Variants in COLEC11 observed in about 807,000 individuals in gnomAD.
COLEC11 encodes the protein collectin-11.
Under a neutral mutation model 27.3 loss-of-function variants are expected in COLEC11, and 20 were observed. The ratio of observed to expected loss-of-function variants is 0.73; its 90% confidence interval spans 0.51 to 1.06. The LOEUF (loss-of-function observed/expected upper bound fraction) is 1.06. Ranked by LOEUF, COLEC11 falls within the 50% of genes least tolerant of loss-of-function variation. COLEC11 has a pLI of 0.00. For synonymous variants in COLEC11, 163 were observed against 154.7 expected, an observed-to-expected ratio of 1.05 and a Z score of -0.40; for missense variants, 310 against 383.0, an observed-to-expected ratio of 0.81 and a Z score of 1.59.
At chr2:3,596,231 A>G (rs894473488) in intron 1 of COLEC11, among the ~76,000 whole-genome samples, 1 of 151,922 alleles carries the variant, frequency 6.6e-6, no homozygotes, top group African/African-American at 2.4e-5. Flanking sequence ...CTTAGGAGGT[A>G]TTTGTGGTGC....
Position 3,602,769 on chromosome 2 carries a change from C to T in COLEC11, c.-26-1546C>T, listed in dbSNP as rs1662326756. Among the ~76,000 whole-genome samples the T allele has an allele frequency of 6.6e-6, 1 of 152,224 alleles. No individual in the cohort carries two copies. The highest frequency in any genetic ancestry group is 1.5e-5 in the Non-Finnish European group (1 of 68,038). ...CCAGGCCAGCCCACCTCTCCCCGCACTGTCCGGCATGCACTGCCTCAAGGC... is the reference window on the plus strand; with the variant it reads ...CCAGGCCAGCCCACCTCTCCCCGCATTGTCCGGCATGCACTGCCTCAAGGC... On this transcript the variant is annotated intron_variant, in intron 1 of 6. Transcript: ENST00000349077. The surrounding 1 kb of genome is among the most constrained non-coding windows in gnomAD (Gnocchi z 6.2).
intron 1 of COLEC11, chr2:3,603,553 G>A: frequency 8.4e-7 from 1 of 1,185,404 alleles, no homozygotes; most frequent in Non-Finnish European, 1.2e-6. Flanking sequence ...CCGACTTTAG[G>A]TGATCTGCCC....
At chr2:3,633,288 T>C (rs552224462) in intron 3 of COLEC11, among the ~76,000 whole-genome samples, 5 of 152,318 alleles carry the variant, frequency 3.3e-5, no homozygotes, top group Non-Finnish European at 7.3e-5. Context: ...GAAAGACTTA[T>C]TAGTGGTTCA....
intron 3 of COLEC11, chr2:3,626,063 C>T: frequency 6.2e-7 from 1 of 1,614,062 alleles, no homozygotes; most frequent in Non-Finnish European, 8.5e-7. Context: ...AGGAAGTGCA[C>T]CTCGTCCTTT....
rs958928684 is a variant in COLEC11, at chr2:3,599,677, A to C, written c.-27+4509A>C. 2.5e-4 allele frequency among the ~76,000 whole-genome samples: 38 copies of C among 152,250 alleles called. 1 individual carries two copies. Among genetic ancestry groups the C allele is most frequent in the Admixed American group, 1.8e-3 (28 of 15,302 alleles). On this transcript the variant is annotated intron_variant, in intron 1 of 6. Coordinates refer to ENST00000349077, the MANE Select transcript of COLEC11 (RefSeq NM_024027.5). ...TTCAGTGGATTTGTAGCTGTCCCTCACCCACTGCCCTCAGGATGCCAAGTC... is the reference window on the plus strand; with the variant it reads ...TTCAGTGGATTTGTAGCTGTCCCTCCCCCACTGCCCTCAGGATGCCAAGTC...
At chr2:3,600,754 T>C (rs1397707717) in intron 1 of COLEC11, among the ~76,000 whole-genome samples, 1 of 152,196 alleles carries the variant, frequency 6.6e-6, no homozygotes, top group Non-Finnish European at 1.5e-5. Context: ...TGTAGTTGTA[T>C]ACACACATTA....
At position 3,644,606 on chromosome 2, in the gene COLEC11, A is replaced by T. The variant is rs1051710095; in HGVS notation, c.*488A>T. The T allele has an allele frequency of 2.7e-6, 1 of 364,562 alleles. No homozygotes were observed. Among genetic ancestry groups the T allele is most frequent in the Non-Finnish European group, 5.4e-6 (1 of 186,764 alleles). The allele number at this position is 364,562 out of a possible 1,614,324, so 22.6% of individuals were successfully genotyped here. A position where few individuals can be genotyped will look rare whatever the true frequency, so the allele number is the denominator to read the frequency against. On this transcript the variant is annotated 3_prime_UTR_variant, in exon 7 of 7. Transcript: ENST00000349077. The stretch of plus-strand genomic sequence containing the variant: ...AACAATTTTGCTTTGCTTCAAACCC[A>T]GATTTCAGGAAAACAACAACAAAAT...
Position 3,633,754 on chromosome 2 carries a change from G to A in COLEC11, c.203-3779G>A, listed in dbSNP as rs969599169. 6.7e-4 allele frequency among the ~76,000 whole-genome samples: 102 copies of A among 152,098 alleles called. 1 individual carries two copies. The highest frequency in any genetic ancestry group is 3.3e-3 in the Admixed American group (51 of 15,284). On this transcript the variant is annotated intron_variant, in intron 3 of 6. Transcript: ENST00000349077. ...GGAATAGTGCGGTGGAGAGCTGGGC[G>A]AGTTTGTCTTTGGACAGAAGGCCCG...
At position 3,604,490 on chromosome 2, in the gene COLEC11, T is replaced by C; in HGVS notation, c.130+20T>C. The C allele has an allele frequency of 1.2e-6, 2 of 1,613,370 alleles. No homozygotes were observed. The highest frequency in any genetic ancestry group is 8.5e-7 in the Non-Finnish European group (1 of 1,179,904). ...TCAAAGGTAACCGCTCCCTGGACTC[T>C]GGGCTGCTGGGCAGTGGCCTCCGGG... On this transcript the variant is annotated intron_variant, in intron 2 of 6. Coordinates refer to ENST00000349077, the MANE Select transcript of COLEC11 (RefSeq NM_024027.5).
At chr2:3,638,966 C>T (rs1371957919) in intron 4 of COLEC11, among the ~76,000 whole-genome samples, 2 of 152,206 alleles carry the variant, frequency 1.3e-5, no homozygotes, top group Non-Finnish European at 2.9e-5. Flanking sequence ...CCAGTGGCTC[C>T]CCATTCCTCC....
chr2:3,611,600 A>G (rs371502683), intron 2 of COLEC11, among the ~76,000 whole-genome samples: 22 of 152,316 alleles, frequency 1.4e-4, no homozygotes, highest in Middle Eastern at 3.4e-3. Flanking sequence ...AAACTTGAGA[A>G]CTACTTGGAG....
rs762567908 is a variant in COLEC11 at position 3,644,027 on chromosome 2, G to A, written c.725G>A (p.Cys242Tyr). Residue 242 changes from cysteine to tyrosine, a missense_variant, in exon 7 of 7, where the codon TGC becomes TAC. By Grantham distance (194) the Cys-to-Tyr change is radical. Transcript: ENST00000349077. ...EPNNAYDEED[C>Y]VEMVASGGWN... ...AACAATGCCTACGACGAGGAGGACT[G>A]CGTGGAGATGGTGGCCTCGGGCGGC... 6.2e-7 allele frequency: 1 copy of A among 1,613,930 alleles called. No homozygotes were observed. The highest frequency in any genetic ancestry group is 1.3e-5 in the African/African-American group (1 of 75,082).
At chr2:3,623,660 A>T (rs1664330355) in intron 3 of COLEC11, among the ~76,000 whole-genome samples, 1 of 151,386 alleles carries the variant, frequency 6.6e-6, no homozygotes, top group Non-Finnish European at 1.5e-5. Context: ...CTTTTTTTAA[A>T]AAAAAATCTC....
chr2:3,639,890 G>A (rs899366045), intron 4 of COLEC11, among the ~76,000 whole-genome samples: 1 of 152,302 alleles, frequency 6.6e-6, no homozygotes, highest in African/African-American at 2.4e-5. Context: ...CCTGCGTGGC[G>A]CTCCCATCAT....
At chr2:3,640,111 G>A (rs1260764448) in intron 4 of COLEC11, among the ~76,000 whole-genome samples, 167 bp from the exon 5 acceptor site, 1 of 152,202 alleles carries the variant, frequency 6.6e-6, no homozygotes, top group Non-Finnish European at 1.5e-5. Flanking sequence ...CACATAAATA[G>A]TGCCGGAAGC....
chr2:3,601,021 C>A (rs1488073109), intron 1 of COLEC11, among the ~76,000 whole-genome samples: 17 of 152,206 alleles, frequency 1.1e-4, no homozygotes, highest in Non-Finnish European at 2.5e-4. Flanking sequence ...TTCCTCTTGG[C>A]CTTTCCACTC....
intron 5 of COLEC11, among the ~76,000 whole-genome samples, chr2:3,642,598 G>C (rs181557715): frequency 6.6e-6 from 1 of 152,208 alleles, no homozygotes; most frequent in Non-Finnish European, 1.5e-5. Context: ...AAGCCGCAGA[G>C]CTCCTCTCTA....
chr2:3,644,016 CGAG>C lies in COLEC11; in HGVS notation c.720_722del (p.Glu240del), dbSNP rs1238664862. 13 of 1,613,896 alleles carry C rather than the reference CGAG, an allele frequency of 8.1e-6. No homozygotes were observed. The highest frequency in any genetic ancestry group is 1.0e-5 in the Non-Finnish European group (12 of 1,180,058). ...GCGGTGAGCCCAACAATGCCTACGA[CGAG>C]GAGGACTGCGTGGAGATGGTGGCCT... is the stretch of plus-strand genomic sequence containing the variant. On this transcript the variant is annotated inframe_deletion, in exon 7 of 7. Transcript: ENST00000349077.
chr2:3,634,998 T>G (rs562903079), intron 3 of COLEC11, among the ~76,000 whole-genome samples: 25 of 151,410 alleles, frequency 1.7e-4, no homozygotes, highest in African/African-American at 6.1e-4. Context: ...CTCCTCTTCC[T>G]CACGTGGGCC....
Sources: gnomAD v4.1 joint callset for allele counts (sites outside exome capture counted in the v4.1 genomes callset) on GRCh38, gnomAD v4.1.1 for gene constraint, Gnocchi (gnomAD v3.1) non-coding constraint, MANE v1.5 for transcripts, NCBI Gene and HGNC (gene_info 2026-07-23, HGNC 2026-07-21) for gene names.